Variants in KRT78 observed in about 807,000 individuals in gnomAD.
KRT78 encodes keratin, type II cytoskeletal 78.
KRT78 carries 55 observed loss-of-function variants against 51.4 expected under a neutral mutation model. The ratio of observed to expected loss-of-function variants is 1.07; its 90% confidence interval spans 0.86 to 1.34. KRT78 has a LOEUF of 1.34. Ranked by LOEUF, KRT78 falls within the 40% of genes most tolerant of loss-of-function variation. The probability of loss-of-function intolerance (pLI) is 0.00; values close to 1 mark genes in which losing one functional copy is unlikely to be tolerated. For synonymous variants in KRT78, 291 were observed against 264.3 expected (o/e 1.10, Z -0.98); for missense variants, 652 against 649.4 (o/e 1.00, Z -0.04).
At chr12:52,841,622 G>C (rs1940502596) in intron 6 of KRT78, among the ~76,000 whole-genome samples, 1 of 152,144 alleles carries the variant, frequency 6.6e-6, no homozygotes, top group South Asian at 2.1e-4. Context: ...TTGTCTAAAG[G>C]CTGTTATTAT....
intron 6 of KRT78, among the ~76,000 whole-genome samples, chr12:52,842,959 G>GAGAGGAAGGAAGGAAGGA (rs1299063277): frequency 1.9e-5 from 1 of 53,724 alleles, no homozygotes; most frequent in African/African-American, 1.2e-4. Flanking sequence ...GAGAGAGAGA[G>GAGAGGAAGGAAGGAAGGA]AGGAAGGAAG....
Position 52,848,552 on chromosome 12 carries a change from C to T in KRT78, c.379G>A (p.Asp127Asn). 6.2e-7 allele frequency: 1 copy of T among 1,613,930 alleles called. No homozygotes were observed. The highest frequency in any genetic ancestry group is 2.2e-5 in the East Asian group (1 of 44,882). ...TTGGCTGAGTTGACCCTCACCTTGT[C>T]AATGAAGGAAGCAAACTGGTTGTTG... ...TLNNQFASFI[D>N]KVRFLEQQNK... The change falls in exon 1 of 9, where the codon GAC (aspartate) becomes AAC (asparagine). Residue 127 changes from aspartate (D) to asparagine (N), a missense_variant. Transcript: ENST00000304620.
At chr12:52,842,076 A>G (rs1940512499) in intron 6 of KRT78, among the ~76,000 whole-genome samples, 1 of 152,212 alleles carries the variant, frequency 6.6e-6, no homozygotes, top group Non-Finnish European at 1.5e-5. Flanking sequence ...TTGTTGGTGA[A>G]ACATAGTGGC....
chr12:52,848,778 A>G lies in KRT78; in HGVS notation c.153T>C (p.Ser51=). 1 of 1,553,570 alleles carries G rather than the reference A, an allele frequency of 6.4e-7. No individual in the cohort carries two copies. The highest frequency in any genetic ancestry group is 8.7e-7 in the Non-Finnish European group (1 of 1,145,682). Residue 51 remains serine, a synonymous_variant, in exon 1 of 9, where the codon TCT becomes TCC. Coordinates refer to ENST00000304620, the MANE Select transcript of KRT78 (RefSeq NM_173352.4). ...LNSFGGCLEG[S]RGSTWGSGGR... is the part of the protein sequence containing the mutation. ...CCCCTGACCCCCAGGTACTCCCACG[A>G]GAGCCTTCCAGGCACCCCCCAAAGG...
chr12:52,848,075 T>C lies in KRT78; in HGVS notation c.431A>G (p.His144Arg), dbSNP rs1565701884. Residue 144 changes from histidine to arginine, a missense_variant, in exon 2 of 9, where the codon CAT becomes CGT. Transcript: ENST00000304620. ...ACTCAACCCCTGTTGCTGCAGCAGA[T>C]GCCACTTCGTCTCCAGGACCTTGTT... ...QQNKVLETKW[H>R]LLQQQGLSGS... 1 of 1,614,156 alleles carries C rather than the reference T, an allele frequency of 6.2e-7. No individual in the cohort carries two copies. The highest frequency in any genetic ancestry group is 2.2e-5 in the East Asian group (1 of 44,872).
At chr12:52,840,384 GAC>G (rs1940465356) in intron 6 of KRT78, among the ~76,000 whole-genome samples, 2 of 152,212 alleles carry the variant, frequency 1.3e-5, no homozygotes, top group East Asian at 3.9e-4. Flanking sequence ...CACAGAGACA[GAC>G]ACAGAGAGAA....
chr12:52,844,337 CAG>C (rs1436120751), intron 5 of KRT78, 119 bp from the exon 6 acceptor site: 1 of 1,283,024 alleles, frequency 7.8e-7, no homozygotes, highest in Non-Finnish European at 1.1e-6. Flanking sequence ...ACGCCTGAGC[CAG>C]GACACAGTGG....
chr12:52,847,231 C>A (rs1449094100), intron 2 of KRT78, among the ~76,000 whole-genome samples: 1 of 152,172 alleles, frequency 6.6e-6, no homozygotes, highest in Non-Finnish European at 1.5e-5. Flanking sequence ...AACCTTCCTT[C>A]CTCCACCTCA....
Position 52,846,203 on chromosome 12 carries a change from A to G in KRT78, c.750T>C (p.Asn250=), listed in dbSNP as rs1940637846. 1 of 1,611,154 alleles carries G rather than the reference A, an allele frequency of 6.2e-7. No individual in the cohort carries two copies. Among genetic ancestry groups the G allele is most frequent in the Non-Finnish European group, 8.5e-7 (1 of 1,177,638 alleles). ...CCCTTTGGTTGAGCCTCACTTCTTC[A>G]TTCAGATGCTTCAAGAAGTAGAGGT... ...REYLYFLKHL[N]EEELGQLQTQ... Residue 250 remains asparagine (N), a synonymous_variant, in exon 4 of 9, where the codon AAT becomes AAC. Coordinates refer to ENST00000304620, the MANE Select transcript of KRT78 (RefSeq NM_173352.4).
Position 52,844,565 on chromosome 12 carries a change from C to G in KRT78, c.915G>C (p.Gln305His). The G allele has an allele frequency of 6.2e-7, 1 of 1,612,936 alleles. No homozygotes were observed. The highest frequency in any genetic ancestry group is 8.5e-7 in the Non-Finnish European group (1 of 1,179,318). The change falls in exon 5 of 9, where the codon CAG becomes CAC. Residue 305 changes from glutamine to histidine, a missense_variant. Coordinates refer to ENST00000304620, the MANE Select transcript of KRT78 (RefSeq NM_173352.4). Reference protein sequence around the residue: ...SSKAEAEALYQTKYQELQVSA... With the variant: ...SSKAEAEALYHTKYQELQVSA... The stretch of plus-strand genomic sequence containing the variant: ...GCCCCCCAGGTCCCACCACCTTGGT[C>G]TGGTACAAGGCCTCAGCCTCAGCCT...
intron 3 of KRT78, 136 bp downstream of exon 3, chr12:52,846,628 C>A: frequency 3.6e-6 from 3 of 824,098 alleles, no homozygotes; most frequent in Non-Finnish European, 6.0e-6. Context: ...GTCCCATTTT[C>A]CCAGGGGACC....
chr12:52,848,035 G>T lies in KRT78; in HGVS notation c.471C>A (p.Gly157=), dbSNP rs775961021. 1.9e-6 allele frequency: 3 copies of T among 1,614,140 alleles called. No homozygotes were observed. Among genetic ancestry groups the T allele is most frequent in the Non-Finnish European group, 2.5e-6 (3 of 1,180,014 alleles). Residue 157 remains glycine (G), a synonymous_variant, in exon 2 of 9, where the codon GGC becomes GGA. Coordinates refer to ENST00000304620, the MANE Select transcript of KRT78 (RefSeq NM_173352.4). ...GGCAGGCCTCAAAGACAGGCTCCAG[G>T]CCCTGCTGGCTGCCACTCAACCCCT... The part of the protein sequence containing the change: ...QQQGLSGSQQ[G]LEPVFEACLD...
In KRT78 at chr12:52,839,117, T is replaced by C. The variant is rs1940413380; in HGVS notation, c.1559A>G (p.Tyr520Cys). ...VESSLKTSIT[Y>C] ...AGGAGGTGGCTGCTGGGTCGCTCAG[T>C]AGGTGATGGATGTCTTCAGACTCGA... is the stretch of plus-strand genomic sequence containing the variant. Residue 520 changes from tyrosine (Y) to cysteine (C), a missense_variant, in exon 9 of 9, where the codon TAC becomes TGC. Tyr to Cys is a radical substitution (Grantham distance 194). Coordinates refer to ENST00000304620, the MANE Select transcript of KRT78 (RefSeq NM_173352.4). 6.2e-7 allele frequency: 1 copy of C among 1,612,448 alleles called. No homozygotes were observed. The highest frequency in any genetic ancestry group is 8.5e-7 in the Non-Finnish European group (1 of 1,179,682).
At chr12:52,847,781 G>A (rs1255074727) in intron 2 of KRT78, 126 bp downstream of exon 2, 1 of 753,100 alleles carries the variant, frequency 1.3e-6, no homozygotes, top group Non-Finnish European at 2.2e-6. Context: ...GACGCGGAGG[G>A]GTAGAGGGGA....
In KRT78 at chr12:52,839,229, C is replaced by T; in HGVS notation, c.1447G>A (p.Gly483Arg). Residue 483 changes from glycine (G) to arginine (R), a missense_variant, in exon 9 of 9, where the codon GGG becomes AGG. Physicochemically the swap from Gly to Arg is moderately radical, Grantham distance 125. Coordinates refer to ENST00000304620, the MANE Select transcript of KRT78 (RefSeq NM_173352.4). ...CAGGAATCCAAAACAGGGTCCTTCC[C>T]AGAGCCCAGAATGATGTTGGAGCCT... ...TGGSNIILGS[G>R]KDPVLDSCSV... 6.2e-7 allele frequency: 1 copy of T among 1,611,706 alleles called. No homozygotes were observed. The highest frequency in any genetic ancestry group is 8.5e-7 in the Non-Finnish European group (1 of 1,179,120).
At chr12:52,843,688 CAAAAAAAA>C (rs1158055717) in intron 6 of KRT78, among the ~76,000 whole-genome samples, 1 of 63,204 alleles carries the variant, frequency 1.6e-5, no homozygotes, top group Non-Finnish European at 4.1e-5. Context: ...GACTCTGTCT[CAAAAAAAA>C]AAAAAAAAAG....
intron 4 of KRT78, 52 bp downstream of exon 4, chr12:52,846,145 G>T: frequency 2.3e-6 from 3 of 1,315,916 alleles, no homozygotes; most frequent in Non-Finnish European, 3.3e-6. Flanking sequence ...CAGGAAGCCT[G>T]CCCACCCAGT....
intron 4 of KRT78, 92 bp from the exon 5 acceptor site, chr12:52,844,815 T>A: frequency 8.0e-7 from 1 of 1,254,936 alleles, no homozygotes; most frequent in Non-Finnish European, 1.1e-6. Context: ...AATTTCTGCT[T>A]ACATGCCATG....
Position 52,845,009 on chromosome 12 carries a change from TTTC to T in KRT78, c.757-289_757-287del, listed in dbSNP as rs375367794. Among the ~76,000 whole-genome samples, 102 of 151,766 alleles carry T rather than the reference TTTC, an allele frequency of 6.7e-4. No individual in the cohort carries two copies. In the East Asian group the frequency reaches 9.3e-3, roughly 14 times the overall value. On this transcript the variant is annotated intron_variant, in intron 4 of 8. Coordinates refer to ENST00000304620, the MANE Select transcript of KRT78 (RefSeq NM_173352.4). ...CATCACTCCTCAGGCCTCTTTTTTTTTTCTTCTTCTTCTTTTTTTTTTTTAAGA... is the reference window on the plus strand; with the variant it reads ...CATCACTCCTCAGGCCTCTTTTTTTTTTCTTCTTCTTTTTTTTTTTTAAGA...
Sources: allele counts gnomAD v4.1 joint callset (sites outside exome capture counted in the v4.1 genomes callset), GRCh38; gene constraint gnomAD v4.1.1; transcripts MANE v1.5; gene names NCBI Gene and HGNC (gene_info 2026-07-23, HGNC 2026-07-21).